The following SP110 variants were observed in gnomAD, a reference collection of about 807,000 sequenced individuals.
SP110 encodes interferon-induced protein 41, 30kD.
SP110 carries 62 observed loss-of-function variants against 92.7 expected under a neutral mutation model. The observed-to-expected ratio is 0.67, with a 90% CI of 0.55 to 0.83. The LOEUF is 0.83. Among genes scored for constraint, SP110 ranks in the 40% least tolerant of loss-of-function variants. The pLI is 0.00. For synonymous variants in SP110, 273 were observed against 305.3 expected, an observed-to-expected ratio of 0.89 and a Z score of 1.10; for missense variants, 793 against 863.9, an observed-to-expected ratio of 0.92 and a Z score of 1.03.
intron 16 of SP110, 47 bp downstream of exon 16, chr2:230,172,019 C>T (rs200470640): frequency 5.1e-6 from 6 of 1,170,856 alleles, no homozygotes; most frequent in South Asian, 4.9e-5. Context: ...TTGTGCTTCT[C>T]GTGTGAGAAG....
chr2:230,204,018 G>A (rs75939776), intron 8 of SP110, among the ~76,000 whole-genome samples: 19,127 of 151,742 alleles, frequency 0.13, 1,342 homozygotes, highest in South Asian at 0.27. Context: ...ATTTTACCCA[G>A]GTAAAAAATT....
chr2:230,185,244 C>T (rs570266052), intron 11 of SP110, among the ~76,000 whole-genome samples: 106 of 152,304 alleles, frequency 7.0e-4, no homozygotes, highest in African/African-American at 2.4e-3. Context: ...GAAAGTGGCT[C>T]TCTAACTTGG....
At position 230,167,911 on chromosome 2, in the gene SP110, T is replaced by A. The variant is rs957958106; in HGVS notation, c.*1213A>T. On this transcript the variant is annotated 3_prime_UTR_variant, in exon 19 of 19. Coordinates refer to ENST00000258381, the MANE Select transcript of SP110 (RefSeq NM_080424.4). ...GATAGCTAATACACCATCAAAGAGT[T>A]CTGGGGTCATTTCAAAACAACTCAG... 6.6e-6 allele frequency: 1 copy of A among 152,042 alleles called. No homozygotes were observed. The highest frequency in any genetic ancestry group is 2.4e-5 in the African/African-American group (1 of 41,412). The allele number at this position is 152,042 out of a possible 1,614,324, so 9.4% of individuals were successfully genotyped here.
chr2:230,213,043 G>A lies in SP110; in HGVS notation c.317-16C>T, dbSNP rs773730813. 5.0e-6 allele frequency: 8 copies of A among 1,613,316 alleles called. No individual in the cohort carries two copies. The Admixed American group carries it at 1.0e-4, about 20-fold the overall frequency. ...GAAGCACCAACTGGGATTGGTGAAG[G>A]GACACACATCAGTACCCTGGAGACT... is the stretch of plus-strand genomic sequence containing the variant. On this transcript the variant is annotated splice_polypyrimidine_tract_variant and intron_variant, in intron 3 of 18. Coordinates refer to ENST00000258381, the MANE Select transcript of SP110 (RefSeq NM_080424.4).
intron 1 of SP110, among the ~76,000 whole-genome samples, chr2:230,217,822 C>G (rs1449649285): frequency 6.6e-6 from 1 of 152,190 alleles, no homozygotes; most frequent in Non-Finnish European, 1.5e-5. Context: ...GCTCATGCAA[C>G]AGGGACCACC....
At chr2:230,220,937 AGGAGTTCAAGGCTGC>A (rs2045760660), upstream of SP110, among the ~76,000 whole-genome samples, 1 of 152,092 alleles carries the variant, frequency 6.6e-6, no homozygotes, top group Non-Finnish European at 1.5e-5. Flanking sequence ...GCTTGAGCCC[AGGAGTTCAAGGCTGC>A]GGTGAGCTAT....
intron 10 of SP110, among the ~76,000 whole-genome samples, chr2:230,190,353 T>G (rs1357080154): frequency 2.0e-5 from 3 of 152,206 alleles, no homozygotes; most frequent in Admixed American, 2.0e-4. Flanking sequence ...AAATTTTTTT[T>G]TTTTTGAGAA....
chr2:230,190,623 A>C (rs1284902599), intron 10 of SP110, among the ~76,000 whole-genome samples: 2 of 151,960 alleles, frequency 1.3e-5, no homozygotes, highest in African/African-American at 2.4e-5. Flanking sequence ...TATCATGAAG[A>C]CTTTGCCCAT....
intron 15 of SP110, 178 bp downstream of exon 15, chr2:230,172,666 G>T: frequency 1.7e-6 from 1 of 604,164 alleles, no homozygotes; most frequent in Non-Finnish European, 3.0e-6. Context: ...GCACTTCCAG[G>T]GGCAGAAGCA....
intron 12 of SP110, among the ~76,000 whole-genome samples, chr2:230,180,489 G>C (rs2042082541): frequency 1.3e-5 from 2 of 152,150 alleles, no homozygotes; most frequent in African/African-American, 4.8e-5. Context: ...AGTAAGAGCA[G>C]CAGATGCACT....
At chr2:230,194,770 A>G (rs1315217536) in intron 10 of SP110, among the ~76,000 whole-genome samples, 1 of 152,200 alleles carries the variant, frequency 6.6e-6, no homozygotes, top group Non-Finnish European at 1.5e-5. Flanking sequence ...CCTAGACAGG[A>G]AACAATTCTA....
chr2:230,216,671 G>T, intron 2 of SP110, 110 bp downstream of exon 2: 1 of 1,308,084 alleles, frequency 7.6e-7, no homozygotes, highest in Non-Finnish European at 1.1e-6. Flanking sequence ...AACATGCCTG[G>T]GCTGGGCCTT....
rs1231260272 is a variant in SP110, at chr2:230,167,981, A to T, written c.*1143T>A. 6.6e-6 allele frequency: 1 copy of T among 151,958 alleles called. No individual in the cohort carries two copies. The highest frequency in any genetic ancestry group is 2.4e-5 in the African/African-American group (1 of 41,362). 9.4% of individuals were successfully genotyped at this position (151,958 alleles called of 1,614,324 possible). On this transcript the variant is annotated 3_prime_UTR_variant, in exon 19 of 19. Coordinates refer to ENST00000258381, the MANE Select transcript of SP110 (RefSeq NM_080424.4). ...CTCACTAAAAGTGGGGAACTTGCAC[A>T]TGCCTGTAATCCCAGCTACTCGGAG...
chr2:230,178,088 G>T (rs2041948824), intron 13 of SP110, 69 bp downstream of exon 13: 6 of 916,810 alleles, frequency 6.5e-6, no homozygotes, highest in African/African-American at 1.6e-5. Context: ...TACACACACG[G>T]GTATTTTCCT....
Position 230,211,516 on chromosome 2 carries a change from TTTA to T in SP110, c.702_704del (p.Asp234_Lys235delinsGlu). 1.2e-6 allele frequency: 2 copies of T among 1,612,356 alleles called. No homozygotes were observed. Among genetic ancestry groups the T allele is most frequent in the East Asian group, 4.5e-5 (2 of 44,872 alleles). The stretch of plus-strand genomic sequence containing the variant: ...AGTGGGGCATCTCTTGAGGGTCTTC[TTTA>T]TCTCTTATTTGGGGGATCAGGTTGT... On this transcript the variant is annotated inframe_deletion, in exon 6 of 19. Transcript: ENST00000258381. This position sits in a 1 kb window ranked among gnomAD's most constrained non-coding sequence, Gnocchi z 4.2.
intron 8 of SP110, chr2:230,203,627 T>G (rs992291486): frequency 6.9e-5 from 8 of 116,244 alleles, no homozygotes; most frequent in South Asian, 7.8e-4. Flanking sequence ...AAGTTTAGGG[T>G]TTTTTTTCTG....
exon 1 of SP110, chr2:230,225,590 G>T: frequency 1.8e-6 from 1 of 557,884 alleles, no homozygotes; most frequent in South Asian, 2.0e-5. Flanking sequence ...TCTTTCCTTG[G>T]CAGGAACAAG....
chr2:230,223,337 G>C (rs2148990298), upstream of SP110, among the ~76,000 whole-genome samples: 2 of 152,252 alleles, frequency 1.3e-5, no homozygotes, highest in East Asian at 3.9e-4. Context: ...GCCCAGCCCA[G>C]TCTGACATTC....
intron 10 of SP110, among the ~76,000 whole-genome samples, chr2:230,195,087 A>G (rs2148814644): frequency 6.6e-6 from 1 of 151,468 alleles, no homozygotes; most frequent in African/African-American, 2.4e-5. Context: ...GAACTTGGCC[A>G]TATTCTTTTC....
Sources: gnomAD v4.1 joint callset for allele counts (sites outside exome capture counted in the v4.1 genomes callset) on GRCh38, gnomAD v4.1.1 for gene constraint, Gnocchi (gnomAD v3.1) non-coding constraint, MANE v1.5 for transcripts, NCBI Gene and HGNC (gene_info 2026-07-23, HGNC 2026-07-21) for gene names.